KCNJ5: variants seen among roughly 807,000 people sequenced by gnomAD.
KCNJ5 encodes potassium inwardly rectifying channel subfamily J member 5, also known as G protein-activated inward rectifier potassium channel 4.
Under a neutral mutation model 20.2 loss-of-function variants are expected in KCNJ5, and 12 were observed. The observed-to-expected ratio is 0.59, with a 90% CI of 0.38 to 0.96. The LOEUF (loss-of-function observed/expected upper bound fraction) is 0.96, where lower values mean the gene tolerates loss of function less well. Among genes scored for constraint, KCNJ5 ranks in the 40% least tolerant of loss-of-function variants. The probability of loss-of-function intolerance (pLI) is 0.00; values close to 1 mark genes in which losing one functional copy is unlikely to be tolerated. For synonymous variants in KCNJ5, 210 were observed against 213.9 expected (o/e 0.98, Z 0.16); for missense variants, 449 against 557.6 (o/e 0.81, Z 1.96).
intron 1 of KCNJ5, chr11:128,904,550 A>ACCAGCCGCGTCAACATCACTGCGGC (rs769162404): frequency 8.3e-7 from 1 of 1,208,352 alleles, no homozygotes; most frequent in Non-Finnish European, 1.2e-6. Context: ...TGCACTGAGG[A>ACCAGCCGCGTCAACATCACTGCGGC]CCAGCCGCGT....
intron 1 of KCNJ5, among the ~76,000 whole-genome samples, chr11:128,899,334 C>T (rs542682579): frequency 3.3e-5 from 5 of 152,206 alleles, no homozygotes; most frequent in African/African-American, 1.2e-4. Flanking sequence ...CAGTAGGTGA[C>T]GATAATTACT....
chr11:128,902,948 A>G (rs1370713790), intron 1 of KCNJ5, among the ~76,000 whole-genome samples: 2 of 152,186 alleles, frequency 1.3e-5, no homozygotes, highest in Admixed American at 1.3e-4. Flanking sequence ...AGTGGTCAAC[A>G]TGGAAAAAAA....
In KCNJ5 at chr11:128,920,556, C is replaced by T. The variant is rs1299378358; in HGVS notation, c.*3825C>T. On this transcript the variant is annotated 3_prime_UTR_variant, in exon 3 of 3. Coordinates refer to ENST00000529694, the MANE Select transcript of KCNJ5 (RefSeq NM_000890.5). ...CCGTTGTCATTTTTAAGACTGTGCCCTGAACACACCTCTGCCCATGCGCCA... is the reference window on the plus strand; with the variant it reads ...CCGTTGTCATTTTTAAGACTGTGCCTTGAACACACCTCTGCCCATGCGCCA... 2 of 152,270 alleles carry T rather than the reference C, an allele frequency of 1.3e-5. No individual in the cohort carries two copies. The highest frequency in any genetic ancestry group is 4.8e-5 in the African/African-American group (2 of 41,456). 9.4% of individuals were successfully genotyped at this position (152,270 alleles called of 1,614,324 possible).
chr11:128,902,294 C>G (rs1405996659), intron 1 of KCNJ5: 1 of 546,298 alleles, frequency 1.8e-6, no homozygotes, highest in Non-Finnish European at 3.3e-6. Context: ...GATCCGCCCT[C>G]CTGTCCCTCC....
intron 1 of KCNJ5, among the ~76,000 whole-genome samples, chr11:128,906,901 G>T (rs1456795267): frequency 6.6e-6 from 1 of 152,138 alleles, no homozygotes; most frequent in African/African-American, 2.4e-5. Flanking sequence ...AATCACGAGG[G>T]TGTGTTGGAA....
At position 128,916,721 on chromosome 11, in the gene KCNJ5, G is replaced by T; in HGVS notation, c.1250G>T (p.Gly417Val). ...CTGGGTGGGTCCAGGGAGGCCAGGG[G>T]CTCGGTGTGAGGGGTGCAGCCTCCC... Reference protein sequence around the residue: ...KGLGGSREARGSV With the variant: ...KGLGGSREARVSV The change falls in exon 3 of 3, where the codon GGC (glycine) becomes GTC (valine). Residue 417 changes from glycine (G) to valine (V), a missense_variant. Physicochemically the swap from Gly to Val is moderately radical, Grantham distance 109 (BLOSUM62 -3). Coordinates refer to ENST00000529694, the MANE Select transcript of KCNJ5 (RefSeq NM_000890.5). The T allele has an allele frequency of 6.2e-7, 1 of 1,603,096 alleles. No individual in the cohort carries two copies. Among genetic ancestry groups the T allele is most frequent in the Non-Finnish European group, 8.5e-7 (1 of 1,175,422 alleles).
Position 128,912,087 on chromosome 11 carries a change from T to A in KCNJ5, c.814T>A (p.Ser272Thr). Residue 272 changes from serine (S) to threonine (T), a missense_variant, in exon 2 of 3, where the codon TCT (serine) becomes ACT (threonine). Transcript: ENST00000529694. ...GGGCGACGACCGCCTCTTCCTTGTG[T>A]CTCCTCTGATCATCTCCCATGAGAT... is the stretch of plus-strand genomic sequence containing the variant. ...DTGDDRLFLV[S>T]PLIISHEINQ... The A allele has an allele frequency of 9.3e-6, 15 of 1,613,786 alleles. No individual in the cohort carries two copies. The highest frequency in any genetic ancestry group is 1.3e-5 in the Non-Finnish European group (15 of 1,180,002).
At chr11:128,913,812 T>G (rs1490348411) in intron 2 of KCNJ5, among the ~76,000 whole-genome samples, 1 of 152,204 alleles carries the variant, frequency 6.6e-6, no homozygotes, top group East Asian at 1.9e-4. Context: ...GGAGCTTCTC[T>G]CACCACTCTG....
At chr11:128,908,863 C>T (rs1218148476) in intron 1 of KCNJ5, among the ~76,000 whole-genome samples, 3 of 152,228 alleles carry the variant, frequency 2.0e-5, no homozygotes, top group Non-Finnish European at 1.5e-5. Flanking sequence ...CACGGGGCCT[C>T]GGGACAGCAG....
Position 128,899,319 on chromosome 11 carries a change from A to G in KCNJ5, c.-11+7598A>G, listed in dbSNP as rs1254305472. On this transcript the variant is annotated intron_variant, in intron 1 of 2. Transcript: ENST00000529694. Reference sequence around the variant, plus strand: ...TGGAATAAAATTGGGTATATGGTACAGCCCCAGTAGGTGACGATAATTACT... The same window carrying G: ...TGGAATAAAATTGGGTATATGGTACGGCCCCAGTAGGTGACGATAATTACT... 7.2e-5 allele frequency among the ~76,000 whole-genome samples: 11 copies of G among 152,390 alleles called. 1 individual carries two copies. The highest frequency in any genetic ancestry group is 6.5e-4 in the Admixed American group (10 of 15,306).
chr11:128,910,452 G>T (rs890069882), intron 1 of KCNJ5, among the ~76,000 whole-genome samples: 4 of 152,178 alleles, frequency 2.6e-5, no homozygotes, highest in Non-Finnish European at 5.9e-5. Flanking sequence ...AGACGGTAGG[G>T]GTGACCAATT....
intron 1 of KCNJ5, chr11:128,901,918 T>C (rs1944289408): frequency 6.5e-6 from 1 of 154,974 alleles, no homozygotes; most frequent in Non-Finnish European, 1.4e-5. Flanking sequence ...GGGGATGAAG[T>C]GTCCCATCTG....
intron 1 of KCNJ5, among the ~76,000 whole-genome samples, chr11:128,905,307 A>G (rs1944383794): frequency 6.6e-6 from 1 of 151,348 alleles, no homozygotes; most frequent in Admixed American, 6.6e-5. Context: ...CCGCAGCCGC[A>G]GAGCTGCAGC....
At chr11:128,907,964 G>T (rs1317365256) in intron 1 of KCNJ5, among the ~76,000 whole-genome samples, 1 of 152,190 alleles carries the variant, frequency 6.6e-6, no homozygotes, top group Non-Finnish European at 1.5e-5. Flanking sequence ...CCTGATTAAA[G>T]AATTTCATCT....
chr11:128,907,343 C>T (rs901551907), intron 1 of KCNJ5, among the ~76,000 whole-genome samples: 8 of 152,194 alleles, frequency 5.3e-5, no homozygotes, highest in Admixed American at 5.2e-4. Context: ...TGTTAGGGCC[C>T]TGACTCCTGA....
At position 128,911,543 on chromosome 11, in the gene KCNJ5, G is replaced by C. The variant is rs1486353292; in HGVS notation, c.270G>C (p.Leu90Phe). 6.2e-7 allele frequency: 1 copy of C among 1,614,214 alleles called. No homozygotes were observed. ...TLVDLKWRFN[L>F]LVFTMVYTVT... The stretch of plus-strand genomic sequence containing the variant: ...TGGACCTCAAGTGGCGCTTCAACTT[G>C]CTCGTCTTCACCATGGTTTACACTG... Residue 90 changes from leucine to phenylalanine, a missense_variant, in exon 2 of 3, where the codon TTG becomes TTC. Coordinates refer to ENST00000529694, the MANE Select transcript of KCNJ5 (RefSeq NM_000890.5). The surrounding 1 kb of genome is among the most constrained non-coding windows in gnomAD (Gnocchi z 6.3).
At chr11:128,892,289 C>G (rs66518071) in intron 1 of KCNJ5, among the ~76,000 whole-genome samples, 39,845 of 152,180 alleles carry the variant, frequency 0.26, 5,333 homozygotes, top group Middle Eastern at 0.36. Context: ...AGGGGTCAAG[C>G]CTGTGAGGAC....
chr11:128,915,037 G>T (rs1433966386), intron 2 of KCNJ5, among the ~76,000 whole-genome samples: 1 of 152,240 alleles, frequency 6.6e-6, no homozygotes, highest in Non-Finnish European at 1.5e-5. Flanking sequence ...GGTGCGCTGG[G>T]GCTGAGAAGC....
chr11:128,902,827 G>C, intron 1 of KCNJ5: 1 of 1,197,620 alleles, frequency 8.3e-7, no homozygotes, highest in Non-Finnish European at 1.2e-6. Flanking sequence ...GGCAGAAAAG[G>C]CCTCTCTCCG....
Sources: gnomAD v4.1 joint callset for allele counts (sites outside exome capture counted in the v4.1 genomes callset) on GRCh38, gnomAD v4.1.1 for gene constraint, Gnocchi (gnomAD v3.1) non-coding constraint, MANE v1.5 for transcripts, NCBI Gene and HGNC (gene_info 2026-07-23, HGNC 2026-07-21) for gene names.